HELLS: variants seen among roughly 807,000 people sequenced by gnomAD.
HELLS encodes lymphoid-specific helicase.
Under a neutral mutation model 120.0 loss-of-function variants are expected in HELLS, and 32 were observed. That is an observed-to-expected ratio of 0.27 (90% CI 0.20 to 0.36). The LOEUF (loss-of-function observed/expected upper bound fraction) is 0.36. Among genes scored for constraint, HELLS ranks in the 10% least tolerant of loss-of-function variants. The probability of loss-of-function intolerance (pLI) is 1.00; values close to 1 mark genes in which losing one functional copy is unlikely to be tolerated. For missense variants in HELLS, 650 were observed against 993.4 expected (o/e 0.65, Z 4.65); for synonymous variants, 341 against 323.4 (o/e 1.05, Z -0.58).
intron 1 of HELLS, 125 bp downstream of exon 1, chr10:94,546,077 G>C: frequency 8.5e-7 from 1 of 1,175,722 alleles, no homozygotes; most frequent in Non-Finnish European, 1.2e-6. Flanking sequence ...AGGAAAGGAG[G>C]GTTGGGAAAC....
chr10:94,576,887 G>A (rs573773661), intron 10 of HELLS, 82 bp downstream of exon 10: 2 of 1,284,152 alleles, frequency 1.6e-6, no homozygotes, highest in Non-Finnish European at 2.2e-6. Flanking sequence ...CCATCTGGGA[G>A]CATTTGTCTA....
downstream of HELLS, among the ~76,000 whole-genome samples, chr10:94,605,415 G>T (rs118007178): frequency 1.5e-3 from 235 of 152,012 alleles, 1 homozygote; most frequent in Non-Finnish European, 2.7e-3. Context: ...TGGTTTACTC[G>T]CTCACTTTGA....
At chr10:94,600,103 C>T (rs533775576) in intron 21 of HELLS, among the ~76,000 whole-genome samples, 7 of 152,056 alleles carry the variant, frequency 4.6e-5, no homozygotes, top group African/African-American at 1.7e-4. Flanking sequence ...CCAGCCTGGG[C>T]AACACGGTGA....
intron 21 of HELLS, among the ~76,000 whole-genome samples, chr10:94,600,450 TAATC>T (rs1275772525): frequency 2.0e-5 from 3 of 151,930 alleles, no homozygotes; most frequent in Admixed American, 1.3e-4. Context: ...AAAGTCATAA[TAATC>T]AAGATGGTAG....
intron 9 of HELLS, among the ~76,000 whole-genome samples, chr10:94,609,472 G>A (rs1032400214): frequency 3.3e-5 from 5 of 152,178 alleles, no homozygotes; most frequent in African/African-American, 1.2e-4. Flanking sequence ...GGTGTGTTAA[G>A]TAATGAAGTT....
chr10:94,565,108 G>A (rs1363565877), intron 6 of HELLS, among the ~76,000 whole-genome samples: 2 of 152,196 alleles, frequency 1.3e-5, no homozygotes, highest in Non-Finnish European at 2.9e-5. Flanking sequence ...AGGCTGAGGC[G>A]GGTGGATCCC....
chr10:94,606,268 T>C (rs1398908251), downstream of HELLS, among the ~76,000 whole-genome samples: 1 of 152,088 alleles, frequency 6.6e-6, no homozygotes, highest in Non-Finnish European at 1.5e-5. Context: ...AAAATCTGTC[T>C]TTTAATTCAT....
intron 6 of HELLS, among the ~76,000 whole-genome samples, chr10:94,564,553 A>T (rs1843699025): frequency 6.6e-6 from 1 of 152,178 alleles, no homozygotes; most frequent in African/African-American, 2.4e-5. Context: ...AATATGAATG[A>T]ATTAGAGCAT....
At position 94,545,810 on chromosome 10, in the gene HELLS, C is replaced by A; in HGVS notation, c.-112C>A. On this transcript the variant is annotated 5_prime_UTR_variant, in exon 1 of 22. Coordinates refer to ENST00000348459, the MANE Select transcript of HELLS (RefSeq NM_018063.5). ...CGCGAAGGAGAAGCGCGCTTTTTTC[C>A]CTGGCGGGGGATTTGGCTAGAAGGC... 3 of 1,274,178 alleles carry A rather than the reference C, an allele frequency of 2.4e-6. No individual in the cohort carries two copies. Among genetic ancestry groups the A allele is most frequent in the Non-Finnish European group, 2.2e-6 (2 of 894,342 alleles). 78.9% of individuals were successfully genotyped at this position (1,274,178 alleles called of 1,614,324 possible).
At chr10:94,550,692 C>T (rs897341092) in intron 2 of HELLS, among the ~76,000 whole-genome samples, 2 of 152,052 alleles carry the variant, frequency 1.3e-5, no homozygotes, top group African/African-American at 2.4e-5. Context: ...GGGGTTAAGA[C>T]CAGCCTGGGT....
Position 94,592,529 on chromosome 10 carries a change from G to C in HELLS, c.1971+15G>C. 7.1e-7 allele frequency: 1 copy of C among 1,414,594 alleles called. No homozygotes were observed. The highest frequency in any genetic ancestry group is 9.3e-7 in the Non-Finnish European group (1 of 1,074,964). The allele number at this position is 1,414,594 out of a possible 1,614,324, so 87.6% of individuals were successfully genotyped here. A position where few individuals can be genotyped will look rare whatever the true frequency, so the allele number is the denominator to read the frequency against. On this transcript the variant is annotated intron_variant, in intron 17 of 21. Transcript: ENST00000348459. ...GAGAAAAAAACGTAAGACTACTTAT[G>C]TCATACATACCAAACTATTCTTTTA...
intron 18 of HELLS, among the ~76,000 whole-genome samples, 173 bp from the exon 19 acceptor site, chr10:94,594,522 G>A (rs1211468054): frequency 6.6e-6 from 1 of 152,034 alleles, no homozygotes; most frequent in African/African-American, 2.4e-5. Flanking sequence ...TGTTAATATT[G>A]TCAAGGATCT....
chr10:94,589,855 T>A (rs1016235686), intron 13 of HELLS, among the ~76,000 whole-genome samples: 2 of 151,792 alleles, frequency 1.3e-5, no homozygotes, highest in South Asian at 4.2e-4. Flanking sequence ...CTTGGCTAAT[T>A]TTTTCTATTT....
rs190712109 is a variant in HELLS, at chr10:94,550,632, G to A, written c.154-3494G>A. ...TGGCCAGGCGCGGTGGCTCATGCCTGTAATCCCAGCACTTTGGGAGGCTGA... is the reference window on the plus strand; with the variant it reads ...TGGCCAGGCGCGGTGGCTCATGCCTATAATCCCAGCACTTTGGGAGGCTGA... On this transcript the variant is annotated intron_variant, in intron 2 of 21. Transcript: ENST00000348459. 8.7e-4 allele frequency among the ~76,000 whole-genome samples: 132 copies of A among 152,170 alleles called. 3 individuals are homozygous for A. The East Asian group carries it at 0.023, about 27-fold the overall frequency.
intron 4 of HELLS, among the ~76,000 whole-genome samples, chr10:94,561,890 C>T (rs1311486252): frequency 6.6e-6 from 1 of 151,758 alleles, no homozygotes; most frequent in Non-Finnish European, 1.5e-5. Flanking sequence ...ATGAATATTC[C>T]TTCAATACCC....
At chr10:94,595,449 C>G in intron 19 of HELLS, among the ~76,000 whole-genome samples, 1 of 152,134 alleles carries the variant, frequency 6.6e-6, no homozygotes, top group South Asian at 2.1e-4. Flanking sequence ...AAATATTTTG[C>G]AAGTTCCATG....
Position 94,601,818 on chromosome 10 carries a change from A to C in HELLS, c.*196A>C. 1 of 383,868 alleles carries C rather than the reference A, an allele frequency of 2.6e-6. No individual in the cohort carries two copies. The highest frequency in any genetic ancestry group is 4.9e-5 in the East Asian group (1 of 20,382). The allele number at this position is 383,868 out of a possible 1,614,324, so 23.8% of individuals were successfully genotyped here. On this transcript the variant is annotated 3_prime_UTR_variant, in exon 22 of 22. Coordinates refer to ENST00000348459, the MANE Select transcript of HELLS (RefSeq NM_018063.5). ...AAAGAAGTATCCATATTAAGTTTAG[A>C]TTTTCAGTTAATTTTTGAGACTGAG... is the stretch of plus-strand genomic sequence containing the variant.
chr10:94,588,431 T>C lies in HELLS; in HGVS notation c.1488+41T>C, dbSNP rs368268827. 1.4e-3 allele frequency: 1,936 copies of C among 1,432,102 alleles called. 2 individuals carry two copies. The highest frequency in any genetic ancestry group is 1.7e-3 in the Non-Finnish European group (1,852 of 1,071,808). The allele number at this position is 1,432,102 out of a possible 1,614,324, so 88.7% of individuals were successfully genotyped here. On this transcript the variant is annotated intron_variant, in intron 13 of 21. Transcript: ENST00000348459. Reference sequence around the variant, plus strand: ...AATGTACTGTAAATGAAACTTGACATATAAAATTTCTCTTTTTTCCCTTTT... The same window carrying C: ...AATGTACTGTAAATGAAACTTGACACATAAAATTTCTCTTTTTTCCCTTTT...
intron 2 of HELLS, among the ~76,000 whole-genome samples, chr10:94,549,613 G>A (rs925865353): frequency 6.6e-6 from 1 of 152,090 alleles, no homozygotes; most frequent in African/African-American, 2.4e-5. Context: ...AAAAAATCTG[G>A]GATTGGTGTT....
Sources: allele counts gnomAD v4.1 joint callset (sites outside exome capture counted in the v4.1 genomes callset), GRCh38; gene constraint gnomAD v4.1.1; transcripts MANE v1.5; gene names NCBI Gene and HGNC (gene_info 2026-07-23, HGNC 2026-07-21).